Variants in FOCAD observed in about 807,000 individuals in gnomAD.
The protein encoded by FOCAD is KIAA1797.
Under a neutral mutation model 225.6 loss-of-function variants are expected in FOCAD, and 198 were observed. That is an observed-to-expected ratio of 0.88 (90% CI 0.78 to 0.99). The LOEUF (loss-of-function observed/expected upper bound fraction) is 0.99. Among genes scored for constraint, FOCAD ranks in the 50% least tolerant of loss-of-function variants. The probability of loss-of-function intolerance (pLI) is 0.00; values close to 1 mark genes in which losing one functional copy is unlikely to be tolerated. For synonymous variants in FOCAD, 897 were observed against 755.0 expected, an observed-to-expected ratio of 1.19 and a Z score of -3.08; for missense variants, 2,713 against 2,123.6, an observed-to-expected ratio of 1.28 and a Z score of -5.46.
At chr9:20,906,426 T>C (rs912081610) in intron 21 of FOCAD, among the ~76,000 whole-genome samples, 2 of 152,032 alleles carry the variant, frequency 1.3e-5, no homozygotes, top group Non-Finnish European at 2.9e-5. Flanking sequence ...CTGTGACTGT[T>C]TTTCTTGATT....
At chr9:20,835,324 C>G (rs1825891851) in intron 15 of FOCAD, among the ~76,000 whole-genome samples, 2 of 151,942 alleles carry the variant, frequency 1.3e-5, no homozygotes, top group Non-Finnish European at 2.9e-5. Context: ...GTAACATACC[C>G]AAATTAACTT....
intron 2 of FOCAD, among the ~76,000 whole-genome samples, chr9:20,659,761 A>G (rs1821654047): frequency 6.6e-6 from 1 of 152,270 alleles, no homozygotes; most frequent in Non-Finnish European, 1.5e-5. Flanking sequence ...GGAAGCAGTC[A>G]TTTTGATGGC....
chr9:20,778,599 A>G (rs557280860), intron 8 of FOCAD, 82 bp from the exon 9 acceptor site: 34 of 709,382 alleles, frequency 4.8e-5, no homozygotes, highest in Admixed American at 3.7e-4. Context: ...CATATTAAAT[A>G]TATTCTTCCT....
chr9:20,946,835 C>A lies in FOCAD; in HGVS notation c.3675+15C>A. ...ATAGCCAGCAGGTTGGAACGTGTGCCCTGATTATTTCTCTCTGTGGGTCTC... is the reference window on the plus strand; with the variant it reads ...ATAGCCAGCAGGTTGGAACGTGTGCACTGATTATTTCTCTCTGTGGGTCTC... On this transcript the variant is annotated intron_variant, in intron 30 of 43. Transcript: ENST00000338382. 6.2e-7 allele frequency: 1 copy of A among 1,612,074 alleles called. No homozygotes were observed. Among genetic ancestry groups the A allele is most frequent in the South Asian group, 1.1e-5 (1 of 90,842 alleles).
chr9:20,742,488 G>A (rs72703909), intron 5 of FOCAD, among the ~76,000 whole-genome samples: 1 of 152,162 alleles, frequency 6.6e-6, no homozygotes, highest in African/African-American at 2.4e-5. Context: ...AGCTACCGCC[G>A]CATCGGCATA....
intron 7 of FOCAD, among the ~76,000 whole-genome samples, chr9:20,768,125 C>G (rs1168525062): frequency 1.3e-5 from 2 of 148,700 alleles, no homozygotes; most frequent in Non-Finnish European, 3.0e-5. Flanking sequence ...TGTCAAAGAT[C>G]AGATAGTTGT....
chr9:20,851,707 G>T (rs530268311), intron 15 of FOCAD, among the ~76,000 whole-genome samples: 1 of 151,686 alleles, frequency 6.6e-6, no homozygotes, highest in African/African-American at 2.4e-5. Context: ...TTCACCACAG[G>T]GTATTCAAGT....
At chr9:20,862,256 A>T (rs1828839099) in intron 15 of FOCAD, among the ~76,000 whole-genome samples, 1 of 151,978 alleles carries the variant, frequency 6.6e-6, no homozygotes, top group Admixed American at 6.6e-5. Flanking sequence ...TTCTTCAACA[A>T]TGCATATAGC....
chr9:20,671,351 T>C (rs1161790982), intron 2 of FOCAD, among the ~76,000 whole-genome samples: 1 of 152,158 alleles, frequency 6.6e-6, no homozygotes, highest in Non-Finnish European at 1.5e-5. Flanking sequence ...AAAACAAATT[T>C]CACTTCTCCA....
At chr9:20,752,950 G>C (rs1484011021) in intron 5 of FOCAD, among the ~76,000 whole-genome samples, 2 of 148,772 alleles carry the variant, frequency 1.3e-5, no homozygotes, top group East Asian at 2.0e-4. Context: ...TCATGATTTG[G>C]CTCTCTGTTT....
chr9:20,932,914 G>A (rs1835617436), intron 27 of FOCAD, 100 bp from the exon 28 acceptor site: 3 of 816,468 alleles, frequency 3.7e-6, no homozygotes, highest in South Asian at 1.8e-5. Context: ...AGAAATGCTG[G>A]TATTTCCAGT....
Position 20,714,962 on chromosome 9 carries a change from G to A in FOCAD, c.-32-360G>A, listed in dbSNP as rs116498836. Among the ~76,000 whole-genome samples, 1,504 of 152,146 alleles carry A rather than the reference G, an allele frequency of 9.9e-3. 29 individuals carry two copies. Among genetic ancestry groups the A allele is most frequent in the African/African-American group, 0.034 (1,416 of 41,496 alleles). ...GCATAGATGAAGTAATTTTATGACC[G>A]TTTGACTCTTTCTCCCTTATAAGTT... On this transcript the variant is annotated intron_variant, in intron 1 of 43. Coordinates refer to ENST00000338382, the MANE Select transcript of FOCAD (RefSeq NM_001375567.1).
intron 1 of FOCAD, among the ~76,000 whole-genome samples, chr9:20,687,203 T>C (rs1019032307): frequency 2.6e-5 from 4 of 152,196 alleles, no homozygotes; most frequent in Admixed American, 2.0e-4. Flanking sequence ...CCAAAGGAAA[T>C]TGAGAATCCA....
At chr9:20,900,295 C>T (rs890521185) in intron 21 of FOCAD, among the ~76,000 whole-genome samples, 8 of 151,864 alleles carry the variant, frequency 5.3e-5, no homozygotes, top group Admixed American at 2.6e-4. Flanking sequence ...ACCATATTTC[C>T]GCCTCAGCAT....
At chr9:20,912,236 T>C (rs538099962) in intron 22 of FOCAD, among the ~76,000 whole-genome samples, 1 of 152,202 alleles carries the variant, frequency 6.6e-6, no homozygotes, top group East Asian at 1.9e-4. Flanking sequence ...AAGCATCTGA[T>C]TAAAATAATT....
In FOCAD at chr9:20,949,160, C is replaced by T. The variant is rs9406777; in HGVS notation, c.3876+232C>T. Reference sequence around the variant, plus strand: ...GTTTTTAGAGATTAAACCTGGCCAACTTAGGTGCTCTCCACAAATTTCCCT... The same window carrying T: ...GTTTTTAGAGATTAAACCTGGCCAATTTAGGTGCTCTCCACAAATTTCCCT... On this transcript the variant is annotated intron_variant, in intron 32 of 43. Transcript: ENST00000338382. 0.7 allele frequency among the ~76,000 whole-genome samples: 106,210 copies of T among 152,000 alleles called. 37,420 individuals carry two copies. The highest frequency in any genetic ancestry group is 0.9 in the East Asian group (4,643 of 5,184).
In FOCAD at chr9:20,667,836, A is replaced by G. The variant is rs1023738938; in HGVS notation, c.-78+9010A>G. Among the ~76,000 whole-genome samples, 31 of 152,218 alleles carry G rather than the reference A, an allele frequency of 2.0e-4. 1 individual carries two copies. The highest frequency in any genetic ancestry group is 7.0e-4 in the African/African-American group (29 of 41,536). On this transcript the variant is annotated intron_variant, in intron 2 of 45. Coordinates refer to the FOCAD transcript ENST00000380249. ...AAATAAAAACCAGATATGAAAAAAAACCTCCCTAATGAAGACGGGATTCTT... is the reference window on the plus strand; with the variant it reads ...AAATAAAAACCAGATATGAAAAAAAGCCTCCCTAATGAAGACGGGATTCTT...
rs145032637 is a variant in FOCAD, at chr9:20,972,766, T to C, written c.4133-3654T>C. Among the ~76,000 whole-genome samples, 6 of 152,354 alleles carry C rather than the reference T, an allele frequency of 3.9e-5. No homozygotes were observed. In the East Asian group the frequency reaches 1.2e-3, roughly 29 times the overall value. On this transcript the variant is annotated intron_variant, in intron 35 of 43. Coordinates refer to ENST00000338382, the MANE Select transcript of FOCAD (RefSeq NM_001375567.1). ...ATAGCTTCTCCTTTTTGCAGCTATT[T>C]TCCTTCTGTTGACTCTGCCCTATTT...
intron 30 of FOCAD, among the ~76,000 whole-genome samples, chr9:20,947,813 G>A (rs762934031): frequency 1.3e-5 from 2 of 152,028 alleles, no homozygotes; most frequent in Admixed American, 6.6e-5. Context: ...TAATGTTATC[G>A]TTACTGTTTT....
Sources: gnomAD v4.1 joint callset for allele counts (sites outside exome capture counted in the v4.1 genomes callset) on GRCh38, gnomAD v4.1.1 for gene constraint, MANE v1.5 for transcripts, NCBI Gene and HGNC (gene_info 2026-07-23, HGNC 2026-07-21) for gene names.